The following ATP2C1 variants were observed in gnomAD, a reference collection of about 807,000 sequenced individuals.
ATP2C1 encodes calcium-transporting ATPase type 2C member 1.
A neutral mutation model predicts 120.5 loss-of-function variants in ATP2C1; 31 were observed. The observed-to-expected ratio is 0.26, with a 90% CI of 0.19 to 0.35. The LOEUF (loss-of-function observed/expected upper bound fraction) is 0.35, where lower values mean the gene tolerates loss of function less well. Among genes scored for constraint, ATP2C1 ranks in the 10% least tolerant of loss-of-function variants. The pLI is 1.00. For synonymous variants in ATP2C1, 351 were observed against 358.7 expected, an observed-to-expected ratio of 0.98 and a Z score of 0.24; for missense variants, 731 against 1,107.5, an observed-to-expected ratio of 0.66 and a Z score of 4.83.
chr3:130,949,702 A>T (rs918757427), intron 8 of ATP2C1, among the ~76,000 whole-genome samples: 1 of 152,136 alleles, frequency 6.6e-6, no homozygotes, highest in African/African-American at 2.4e-5. Context: ...GATAAAATTA[A>T]TTTCATATAT....
chr3:131,009,041 G>T (rs898048764), intron 26 of ATP2C1, among the ~76,000 whole-genome samples: 1 of 152,186 alleles, frequency 6.6e-6, no homozygotes, highest in Non-Finnish European at 1.5e-5. Flanking sequence ...ATCTGAAGCA[G>T]TCTGCTCCTA....
intron 17 of ATP2C1, among the ~76,000 whole-genome samples, chr3:130,974,810 C>T (rs2061473006): frequency 6.6e-6 from 1 of 152,110 alleles, no homozygotes; most frequent in South Asian, 2.1e-4. Flanking sequence ...AATTATTTTG[C>T]TTCCATGGAG....
chr3:130,989,631 C>T (rs187993137), intron 20 of ATP2C1, among the ~76,000 whole-genome samples: 42 of 151,436 alleles, frequency 2.8e-4, no homozygotes, highest in African/African-American at 9.7e-4. Flanking sequence ...GCCGCTTGCT[C>T]GAGCCCGTTC....
chr3:130,910,048 T>G (rs2058324109), intron 2 of ATP2C1, among the ~76,000 whole-genome samples: 1 of 152,126 alleles, frequency 6.6e-6, no homozygotes, highest in Non-Finnish European at 1.5e-5. Context: ...TATACGTGTA[T>G]GCTTTTGTAA....
At chr3:130,936,680 G>A (rs911356743) in intron 5 of ATP2C1, among the ~76,000 whole-genome samples, 1 of 151,906 alleles carries the variant, frequency 6.6e-6, no homozygotes, top group African/African-American at 2.4e-5. Flanking sequence ...AGCTGGGCGT[G>A]GTGGTGGGCA....
chr3:131,006,295 A>G (rs557833838), downstream of ATP2C1, among the ~76,000 whole-genome samples: 51 of 152,100 alleles, frequency 3.4e-4, no homozygotes, highest in African/African-American at 1.2e-3. Context: ...CATATTTAGT[A>G]GAGACAGGGT....
intron 2 of ATP2C1, among the ~76,000 whole-genome samples, chr3:130,896,062 C>T (rs1489821287): frequency 1.3e-5 from 2 of 152,214 alleles, no homozygotes; most frequent in Non-Finnish European, 2.9e-5. Flanking sequence ...CAAATCCATT[C>T]TGCACATGAG....
At position 130,941,616 on chromosome 3, in the gene ATP2C1, A is replaced by G; in HGVS notation, c.448A>G (p.Thr150Ala). The stretch of plus-strand genomic sequence containing the variant: ...TGTGCGTGAAGGAAAATTGGAGCAT[A>G]CACTTGCCCGAGACTTGGTTCCAGG... The part of the protein sequence containing the change: ...HCVREGKLEH[T>A]LARDLVPGDT... Residue 150 changes from threonine to alanine, a missense_variant, in exon 8 of 28, where the codon ACA (threonine) becomes GCA (alanine). By Grantham distance (58) the Thr-to-Ala change is moderately conservative (BLOSUM62 0). Transcript: ENST00000510168. 4 of 1,613,966 alleles carry G rather than the reference A, an allele frequency of 2.5e-6. No individual in the cohort carries two copies. Among genetic ancestry groups the G allele is most frequent in the Non-Finnish European group, 3.4e-6 (4 of 1,180,006 alleles).
At position 131,001,402 on chromosome 3, in the gene ATP2C1, T is replaced by C; in HGVS notation, c.*52T>C. On this transcript the variant is annotated 3_prime_UTR_variant, in exon 28 of 28. Transcript: ENST00000510168. ...ACTAGGAATTGCAGTCTGAGGATCA[T>C]TTAGAAGGGCAAGTTCAAGAGGATA... 1.2e-6 allele frequency: 2 copies of C among 1,600,650 alleles called. No homozygotes were observed. The highest frequency in any genetic ancestry group is 1.7e-6 in the Non-Finnish European group (2 of 1,173,046).
chr3:130,954,101 C>A, intron 9 of ATP2C1, 125 bp downstream of exon 9: 1 of 994,620 alleles, frequency 1.0e-6, no homozygotes, highest in Non-Finnish European at 1.5e-6. Context: ...GAACTTAACC[C>A]ATTACATCTA....
At chr3:130,924,091 G>A (rs1242742622) in intron 2 of ATP2C1, among the ~76,000 whole-genome samples, 2 of 151,104 alleles carry the variant, frequency 1.3e-5, no homozygotes, top group African/African-American at 2.4e-5. Context: ...TAGATGTGAG[G>A]TACTGTTGTT....
intron 4 of ATP2C1, 30 bp downstream of exon 4, chr3:130,932,168 T>C (rs751963174): frequency 1.6e-6 from 2 of 1,286,376 alleles, no homozygotes; most frequent in Admixed American, 1.7e-5. Context: ...TCTTCTACTG[T>C]GTAATTTATT....
At chr3:130,954,631 A>G (rs747611693) in intron 9 of ATP2C1, among the ~76,000 whole-genome samples, 6 of 151,984 alleles carry the variant, frequency 3.9e-5, no homozygotes, top group Non-Finnish European at 7.4e-5. Flanking sequence ...GATTACAGGC[A>G]TGTCCCACCA....
intron 6 of ATP2C1, among the ~76,000 whole-genome samples, chr3:130,937,871 A>G (rs962354000): frequency 3.3e-5 from 5 of 152,272 alleles, no homozygotes; most frequent in Non-Finnish European, 7.3e-5. Flanking sequence ...ACAAAAAAGT[A>G]TAGAATTAAA....
At chr3:130,917,229 C>T (rs1281972574) in intron 2 of ATP2C1, among the ~76,000 whole-genome samples, 4 of 152,128 alleles carry the variant, frequency 2.6e-5, no homozygotes, top group African/African-American at 9.7e-5. Context: ...ATGTTCGCTT[C>T]GGTAGGTTAG....
Position 130,894,237 on chromosome 3 carries a change from GC to G in ATP2C1, c.-277del. ...GAGCAGGCTCCCGCCTCGCACCGCT[GC>G]CCCGCGAGCAGCTCCTCTTCTCCCG... On this transcript the variant is annotated 5_prime_UTR_variant, in exon 1 of 28. Coordinates refer to ENST00000510168, the MANE Select transcript of ATP2C1 (RefSeq NM_001378687.1). This position sits in a 1 kb window ranked among gnomAD's most constrained non-coding sequence, Gnocchi z 4.5. 1 of 984,748 alleles carries G rather than the reference GC, an allele frequency of 1.0e-6. No individual in the cohort carries two copies. Among genetic ancestry groups the G allele is most frequent in the Non-Finnish European group, 1.2e-6 (1 of 829,814 alleles). 61.0% of individuals were successfully genotyped at this position (984,748 alleles called of 1,614,324 possible).
intron 1 of ATP2C1, among the ~76,000 whole-genome samples, chr3:130,877,314 A>G (rs2068634914): frequency 6.6e-6 from 1 of 152,160 alleles, no homozygotes; most frequent in Admixed American, 6.6e-5. Context: ...GGGGGATTTA[A>G]AATGTTTAAA....
chr3:130,922,780 G>T (rs1002714818), intron 2 of ATP2C1, among the ~76,000 whole-genome samples: 10 of 152,282 alleles, frequency 6.6e-5, no homozygotes, highest in African/African-American at 2.4e-4. Context: ...GGTTCCTCTT[G>T]GAGTTAATCT....
intron 2 of ATP2C1, among the ~76,000 whole-genome samples, chr3:130,905,821 C>G (rs2058095204): frequency 6.6e-6 from 1 of 152,054 alleles, no homozygotes; most frequent in African/African-American, 2.4e-5. Flanking sequence ...AGGACATGTG[C>G]TTTGGCAATC....
Sources: allele counts gnomAD v4.1 joint callset (sites outside exome capture counted in the v4.1 genomes callset), GRCh38; gene constraint gnomAD v4.1.1; non-coding constraint Gnocchi (gnomAD v3.1); transcripts MANE v1.5; gene names NCBI Gene and HGNC (gene_info 2026-07-23, HGNC 2026-07-21).